Variants in FGF12 observed in about 807,000 individuals in gnomAD.
FGF12 encodes the protein fibroblast growth factor 12B.
A neutral mutation model predicts 23.6 loss-of-function variants in FGF12; 14 were observed. That is an observed-to-expected ratio of 0.59 (90% confidence interval 0.39 to 0.93). FGF12 has a LOEUF of 0.93. Among genes scored for constraint, FGF12 ranks in the 40% least tolerant of loss-of-function variants. FGF12 has a pLI of 0.00. For missense variants in FGF12, 175 were observed against 217.8 expected (o/e 0.80, Z 1.24); for synonymous variants, 62 against 77.3 (o/e 0.80, Z 1.04).
intron 4 of FGF12, among the ~76,000 whole-genome samples, chr3:192,329,692 G>A (rs1044092821): frequency 6.6e-6 from 1 of 152,090 alleles, no homozygotes; most frequent in Non-Finnish European, 1.5e-5. Flanking sequence ...AATTTAGGTG[G>A]TCTTACAAGT....
chr3:192,594,712 C>T (rs1327425600), intron 2 of FGF12, among the ~76,000 whole-genome samples: 1 of 151,814 alleles, frequency 6.6e-6, no homozygotes, highest in African/African-American at 2.4e-5. Context: ...GACATGCTCT[C>T]GTCCTTTCAC....
chr3:192,168,888 C>T (rs1046359466), intron 5 of FGF12, among the ~76,000 whole-genome samples: 2 of 151,932 alleles, frequency 1.3e-5, no homozygotes, highest in African/African-American at 2.4e-5. Flanking sequence ...ACAAGCTGAC[C>T]GAATGTTTAG....
chr3:192,662,804 A>G (rs1247878106), intron 2 of FGF12, among the ~76,000 whole-genome samples: 2 of 152,226 alleles, frequency 1.3e-5, no homozygotes, highest in African/African-American at 4.8e-5. Context: ...GAAGGAATAG[A>G]TCATAATTAT....
intron 2 of FGF12, among the ~76,000 whole-genome samples, chr3:192,385,720 C>T (rs540900108): frequency 6.6e-6 from 1 of 152,250 alleles, no homozygotes; most frequent in African/African-American, 2.4e-5. Flanking sequence ...AGGCCAGGGG[C>T]GAATACTCTC....
chr3:192,328,727 C>G (rs954548113), intron 4 of FGF12, among the ~76,000 whole-genome samples: 1 of 152,110 alleles, frequency 6.6e-6, no homozygotes. Flanking sequence ...GAGGACTATG[C>G]CCTCTAACTT....
intron 2 of FGF12, among the ~76,000 whole-genome samples, chr3:192,403,684 TA>T (rs1720851496): frequency 6.6e-6 from 1 of 152,102 alleles, no homozygotes; most frequent in African/African-American, 2.4e-5. Context: ...ACCTGTCATA[TA>T]AATCTATTCT....
intron 4 of FGF12, among the ~76,000 whole-genome samples, chr3:192,219,383 T>A (rs925268508): frequency 2.6e-5 from 4 of 151,286 alleles, no homozygotes; most frequent in African/African-American, 9.7e-5. Flanking sequence ...CTGCGCCAGG[T>A]CATTTTAATT....
intron 2 of FGF12, among the ~76,000 whole-genome samples, chr3:192,459,830 G>A (rs1722799501): frequency 6.7e-6 from 1 of 149,044 alleles, no homozygotes; most frequent in East Asian, 2.0e-4. Flanking sequence ...TTTCCTGCAT[G>A]TATGTTTAGT....
chr3:192,368,738 A>G (rs2108741310), intron 2 of FGF12, among the ~76,000 whole-genome samples: 1 of 152,170 alleles, frequency 6.6e-6, no homozygotes, highest in East Asian at 1.9e-4. Flanking sequence ...TCACTCATGC[A>G]TTGCCTCTGC....
intron 4 of FGF12, among the ~76,000 whole-genome samples, chr3:192,285,276 T>A (rs1231241499): frequency 6.6e-6 from 1 of 152,056 alleles, no homozygotes; most frequent in Non-Finnish European, 1.5e-5. Flanking sequence ...AGAAATAAAG[T>A]AACTTGGCCA....
intron 4 of FGF12, among the ~76,000 whole-genome samples, chr3:192,275,002 A>T (rs1438145482): frequency 1.3e-5 from 2 of 152,222 alleles, no homozygotes; most frequent in Non-Finnish European, 2.9e-5. Flanking sequence ...CTTTCAAATA[A>T]TATAGATAAT....
chr3:192,232,121 T>G (rs1719054258), intron 4 of FGF12, among the ~76,000 whole-genome samples: 2 of 152,126 alleles, frequency 1.3e-5, no homozygotes, highest in Admixed American at 6.6e-5. Context: ...CCATTGACAA[T>G]GTCATATCAT....
At chr3:192,507,218 G>T (rs1724336705) in intron 2 of FGF12, among the ~76,000 whole-genome samples, 1 of 151,978 alleles carries the variant, frequency 6.6e-6, no homozygotes, top group Non-Finnish European at 1.5e-5. Flanking sequence ...CAGCTTTTAA[G>T]GCTCTTCTGG....
chr3:192,143,898 C>G lies in FGF12; in HGVS notation c.*111G>C. 1 of 717,012 alleles carries G rather than the reference C, an allele frequency of 1.4e-6. No individual in the cohort carries two copies. Among genetic ancestry groups the G allele is most frequent in the Middle Eastern group, 2.5e-4 (1 of 4,010 alleles). The allele number at this position is 717,012 out of a possible 1,614,324, so 44.4% of individuals were successfully genotyped here. A position where few individuals can be genotyped will look rare whatever the true frequency, so the allele number is the denominator to read the frequency against. On this transcript the variant is annotated 3_prime_UTR_variant, in exon 6 of 6. Coordinates refer to ENST00000445105, the MANE Select transcript of FGF12 (RefSeq NM_004113.6). Reference sequence around the variant, plus strand: ...GCAGAATCTTAGCCACTAGGTCTTGCGTTGTCATTTTATTTTCCTCTCCTT... The same window carrying G: ...GCAGAATCTTAGCCACTAGGTCTTGGGTTGTCATTTTATTTTCCTCTCCTT...
chr3:192,319,911 A>T (rs1716445541), intron 4 of FGF12, among the ~76,000 whole-genome samples: 1 of 152,200 alleles, frequency 6.6e-6, no homozygotes, highest in South Asian at 2.1e-4. Flanking sequence ...CCACTAAAAG[A>T]AAGATAAGAA....
chr3:192,407,723 T>TGACTG (rs760552008), intron 2 of FGF12, among the ~76,000 whole-genome samples: 1 of 147,498 alleles, frequency 6.8e-6, no homozygotes, highest in African/African-American at 2.6e-5. Flanking sequence ...ATGAATGAAT[T>TGACTG]AATGAATGAA....
At position 192,726,400 on chromosome 3, in the gene FGF12, A is replaced by G. The variant is rs934897687; in HGVS notation, c.13+781T>C. On this transcript the variant is annotated intron_variant, in intron 2 of 5. Coordinates refer to ENST00000445105, the MANE Select transcript of FGF12 (RefSeq NM_004113.6). ...AGGAGAAGGAGAAACAGACCTGCATAGATGGGGTTAAATCCAAAAGATATC... is the reference window on the plus strand; with the variant it reads ...AGGAGAAGGAGAAACAGACCTGCATGGATGGGGTTAAATCCAAAAGATATC... 1.1e-4 allele frequency among the ~76,000 whole-genome samples: 17 copies of G among 152,346 alleles called. 1 individual carries two copies. The East Asian group carries it at 3.3e-3, about 29-fold the overall frequency.
intron 2 of FGF12, among the ~76,000 whole-genome samples, chr3:192,645,897 C>T (rs9881315): frequency 0.58 from 87,644 of 150,832 alleles, 25,743 homozygotes; most frequent in East Asian, 0.67. Flanking sequence ...AAAGGAAAGG[C>T]GTAGAGTGCT....
intron 4 of FGF12, among the ~76,000 whole-genome samples, chr3:192,189,479 A>T (rs1278992276): frequency 6.6e-6 from 1 of 152,054 alleles, no homozygotes; most frequent in African/African-American, 2.4e-5. Flanking sequence ...TCACCCCAAA[A>T]TTTTTTTGTT....
Sources: gnomAD v4.1 joint callset for allele counts (sites outside exome capture counted in the v4.1 genomes callset) on GRCh38, gnomAD v4.1.1 for gene constraint, MANE v1.5 for transcripts, NCBI Gene and HGNC (gene_info 2026-07-23, HGNC 2026-07-21) for gene names.